IGFL2: variants seen among roughly 807,000 people sequenced by gnomAD.
IGFL2 encodes insulin growth factor-like family member 2.
In IGFL2, 7 loss-of-function variants were observed where a neutral mutation model predicts 13.9. The ratio of observed to expected loss-of-function variants is 0.51; its 90% CI spans 0.29 to 0.95. The LOEUF is 0.95. Ranked by LOEUF, IGFL2 falls within the 40% of genes least tolerant of loss-of-function variation. The pLI is 0.08. For missense variants in IGFL2, 138 were observed against 147.8 expected (o/e 0.93, Z 0.34); for synonymous variants, 55 against 55.8 (o/e 0.99, Z 0.07).
At chr19:46,190,998 G>A in the IGFL2 span, among the ~76,000 whole-genome samples, 1 of 152,044 alleles carries the variant, frequency 6.6e-6, no homozygotes, top group African/African-American at 2.4e-5. Context: ...CCCTCAGTAT[G>A]CACCATCCCC....
At chr19:46,178,724 C>T in the IGFL2 span, among the ~76,000 whole-genome samples, 2 of 152,212 alleles carry the variant, frequency 1.3e-5, no homozygotes, top group African/African-American at 2.4e-5. Context: ...TTCAACCAAT[C>T]AGAAAATCTT....
the IGFL2 span, among the ~76,000 whole-genome samples, chr19:46,187,803 G>A: frequency 3.5e-5 from 5 of 144,412 alleles, no homozygotes; most frequent in African/African-American, 1.1e-4. Context: ...TTAAACCTGA[G>A]GTTGTGCTGC....
At chr19:46,102,281 C>T in the IGFL2 span, among the ~76,000 whole-genome samples, 2 of 152,124 alleles carry the variant, frequency 1.3e-5, no homozygotes, top group East Asian at 3.9e-4. Context: ...GTGCAGGCAG[C>T]CTGAGTCCGA....
the IGFL2 span, among the ~76,000 whole-genome samples, chr19:46,102,075 G>C: frequency 2.6e-5 from 4 of 152,288 alleles, no homozygotes; most frequent in African/African-American, 9.6e-5. Flanking sequence ...CTTTCCCAGG[G>C]GTAACAAAGA....
At chr19:46,095,141 C>T in the IGFL2 span, among the ~76,000 whole-genome samples, 3 of 152,232 alleles carry the variant, frequency 2.0e-5, no homozygotes, top group African/African-American at 7.2e-5. Flanking sequence ...TACATTCCCA[C>T]CAACAGTATA....
chr19:46,137,107 G>A, the IGFL2 span: 1 of 1,608,208 alleles, frequency 6.2e-7, no homozygotes, highest in South Asian at 1.1e-5. Context: ...GCCTCCCTAG[G>A]GTTGGGTTTG....
At chr19:46,109,178 A>G in the IGFL2 span, among the ~76,000 whole-genome samples, 1 of 152,200 alleles carries the variant, frequency 6.6e-6, no homozygotes, top group South Asian at 2.1e-4. Flanking sequence ...TGAGCCCAAA[A>G]AGAGAGTCAG....
chr19:46,181,807 A>G, the IGFL2 span, among the ~76,000 whole-genome samples: 2 of 152,202 alleles, frequency 1.3e-5, no homozygotes, highest in African/African-American at 2.4e-5. Context: ...CTTTGCAACA[A>G]TACTGGTTGT....
chr19:46,085,916 A>T, the IGFL2 span, among the ~76,000 whole-genome samples: 1 of 152,192 alleles, frequency 6.6e-6, no homozygotes, highest in South Asian at 2.1e-4. Context: ...ATACAGGAAC[A>T]TTGGTTGCCT....
intron 1 of IGFL2, chr19:46,148,955 G>T: frequency 6.3e-7 from 1 of 1,575,126 alleles, no homozygotes; most frequent in East Asian, 2.3e-5. Flanking sequence ...ACTATTGCCT[G>T]GAGTTCCTGG....
At chr19:46,143,773 C>T (rs1972974127), upstream of IGFL2, among the ~76,000 whole-genome samples, 1 of 152,212 alleles carries the variant, frequency 6.6e-6, no homozygotes, top group Admixed American at 6.5e-5. Context: ...CAAGGGCTTC[C>T]CTGTGGCTCA....
chr19:46,188,765 C>T, the IGFL2 span, among the ~76,000 whole-genome samples: 1 of 152,180 alleles, frequency 6.6e-6, no homozygotes, highest in East Asian at 1.9e-4. Context: ...CCTCTGATGC[C>T]CACATATTTC....
At chr19:46,098,740 A>G in the IGFL2 span, among the ~76,000 whole-genome samples, 1 of 151,986 alleles carries the variant, frequency 6.6e-6, no homozygotes, top group Admixed American at 6.6e-5. Context: ...CGGCCTCCCA[A>G]AGTACTGGGA....
Position 46,160,327 on chromosome 19 carries a change from C to A in IGFL2, c.20-88C>A, listed in dbSNP as rs187785098. On this transcript the variant is annotated intron_variant, in intron 1 of 3. Coordinates refer to ENST00000377693, the MANE Select transcript of IGFL2 (RefSeq NM_001135113.2). ...CCTTTAGAGCTAATCTGGAACTAAG[C>A]CTTCCCCACCCTGGCCTGCCCTCCC... The A allele has an allele frequency of 2.9e-3, 3,405 of 1,178,320 alleles. 13 individuals are homozygous for A. Among genetic ancestry groups the A allele is most frequent in the Non-Finnish European group, 2.7e-3 (2,185 of 806,156 alleles). The allele number at this position is 1,178,320 out of a possible 1,614,324, so 73.0% of individuals were successfully genotyped here. A position where few individuals can be genotyped will look rare whatever the true frequency, so the allele number is the denominator to read the frequency against.
At chr19:46,149,118 T>C (rs1335821576) in intron 1 of IGFL2, 1 of 1,103,184 alleles carries the variant, frequency 9.1e-7, no homozygotes, top group African/African-American at 1.6e-5. Flanking sequence ...CTGTGTTCAC[T>C]AACTTCTTTT....
chr19:46,161,024 C>T, intron 3 of IGFL2, 46 bp from the exon 4 acceptor site: 2 of 1,568,916 alleles, frequency 1.3e-6, no homozygotes, highest in Non-Finnish European at 1.7e-6. Context: ...TTTCAGTTAT[C>T]TCCTTGTCTG....
chr19:46,165,906 T>C (rs10420052), downstream of IGFL2, among the ~76,000 whole-genome samples: 78,997 of 152,106 alleles, frequency 0.52, 21,113 homozygotes, highest in Middle Eastern at 0.62. Context: ...TGGGAAACAC[T>C]GGATTGGATG....
At chr19:46,117,923 G>A in the IGFL2 span, among the ~76,000 whole-genome samples, 1 of 152,120 alleles carries the variant, frequency 6.6e-6, no homozygotes, top group Non-Finnish European at 1.5e-5. Flanking sequence ...CTTGTTAGGT[G>A]CTCCTAAATG....
At chr19:46,108,034 C>G in the IGFL2 span, among the ~76,000 whole-genome samples, 2 of 152,280 alleles carry the variant, frequency 1.3e-5, no homozygotes, top group South Asian at 4.1e-4. Flanking sequence ...CGGTACAAAA[C>G]TGTAAGCCAG....
Sources: gnomAD v4.1 joint callset for allele counts (sites outside exome capture counted in the v4.1 genomes callset) on GRCh38, gnomAD v4.1.1 for gene constraint, MANE v1.5 for transcripts, NCBI Gene and HGNC (gene_info 2026-07-23, HGNC 2026-07-21) for gene names.